TAPT1: variants seen among roughly 807,000 people sequenced by gnomAD.
TAPT1 encodes transmembrane anterior posterior transformation 1, also known as transmembrane anterior posterior transformation protein 1 homolog.
In TAPT1, 28 loss-of-function variants were observed where a neutral mutation model predicts 65.6. That is an observed-to-expected ratio of 0.43 (90% CI 0.32 to 0.59). The LOEUF (loss-of-function observed/expected upper bound fraction) is 0.59. Ranked by LOEUF, TAPT1 falls within the 20% of genes least tolerant of loss-of-function variation. The pLI, the probability that TAPT1 is intolerant of heterozygous loss-of-function variation, is 0.09. For synonymous variants in TAPT1, 278 were observed against 245.2 expected, an observed-to-expected ratio of 1.13 and a Z score of -1.25; for missense variants, 563 against 679.9, an observed-to-expected ratio of 0.83 and a Z score of 1.91.
chr4:16,226,148 A>G (rs1751542594), intron 1 of TAPT1, 111 bp downstream of exon 1: 9 of 948,676 alleles, frequency 9.5e-6, no homozygotes, highest in Non-Finnish European at 1.2e-5. Flanking sequence ...GAGCCCCGGG[A>G]GGCAACGGCA....
At chr4:16,166,868 G>C (rs1747662888) in intron 12 of TAPT1, 75 bp from the exon 13 acceptor site, 2 of 1,460,136 alleles carry the variant, frequency 1.4e-6, no homozygotes, top group Non-Finnish European at 1.9e-6. Flanking sequence ...TACTACCATG[G>C]CTAAGGAGAA....
intron 2 of TAPT1, among the ~76,000 whole-genome samples, chr4:16,204,001 C>A (rs1034873025): frequency 6.6e-6 from 1 of 152,036 alleles, no homozygotes; most frequent in Non-Finnish European, 1.5e-5. Flanking sequence ...GGTAGATTAG[C>A]GTAGAGTCCC....
At chr4:16,210,957 C>T (rs1273613238) in intron 2 of TAPT1, among the ~76,000 whole-genome samples, 1 of 151,452 alleles carries the variant, frequency 6.6e-6, no homozygotes, top group Non-Finnish European at 1.5e-5. Context: ...ATTGGAAATA[C>T]TATGTAAAAT....
chr4:16,213,782 T>C lies in TAPT1; in HGVS notation c.316A>G (p.Arg106Gly). The change falls in exon 2 of 14, where the codon AGA becomes GGA. Residue 106 changes from arginine to glycine, a missense_variant. Physicochemically the swap from Arg to Gly is moderately radical, Grantham distance 125. Transcript: ENST00000405303. ...AAAAATAGTACCTTTTCCAATTCTCTTGGTATTCGCAAACAAGTGTATACT... is the reference window on the plus strand; with the variant it reads ...AAAAATAGTACCTTTTCCAATTCTCCTGGTATTCGCAAACAAGTGTATACT... ...ERVYTCLRIP[R>G]ELEKLMVFGI... 6.4e-7 allele frequency: 1 copy of C among 1,569,592 alleles called. No individual in the cohort carries two copies. The highest frequency in any genetic ancestry group is 8.6e-7 in the Non-Finnish European group (1 of 1,166,548).
chr4:16,196,873 T>C, intron 3 of TAPT1: 1 of 428,364 alleles, frequency 2.3e-6, no homozygotes, highest in South Asian at 1.7e-5. Context: ...GCCACATAGA[T>C]CAGCCCTGGT....
chr4:16,179,934 C>T (rs1748613329), intron 7 of TAPT1, among the ~76,000 whole-genome samples: 1 of 152,022 alleles, frequency 6.6e-6, no homozygotes, highest in South Asian at 2.1e-4. Context: ...TTCAAACCAT[C>T]AAACTGCTCA....
chr4:16,197,181 T>C (rs1258154629), intron 3 of TAPT1, among the ~76,000 whole-genome samples: 1 of 152,194 alleles, frequency 6.6e-6, no homozygotes, highest in African/African-American at 2.4e-5. Flanking sequence ...AATGATACTA[T>C]TGCCTCTTCA....
chr4:16,226,626 G>GGGCGCT (rs1751590772), upstream of TAPT1: 2 of 256,562 alleles, frequency 7.8e-6, no homozygotes, highest in South Asian at 1.3e-4. Context: ...ACGCGTGTGA[G>GGGCGCT]GCCGCTGCCG....
intron 5 of TAPT1, among the ~76,000 whole-genome samples, chr4:16,187,308 T>C (rs1749076897): frequency 6.6e-6 from 1 of 152,178 alleles, no homozygotes; most frequent in South Asian, 2.1e-4. Flanking sequence ...AAGCACAAAA[T>C]ATAATTCTGG....
chr4:16,214,070 G>C (rs1750794710), intron 1 of TAPT1, among the ~76,000 whole-genome samples, 172 bp from the exon 2 acceptor site: 1 of 152,170 alleles, frequency 6.6e-6, no homozygotes, highest in Non-Finnish European at 1.5e-5. Flanking sequence ...TTTGAGAAAA[G>C]TATTCTTCTT....
At chr4:16,198,960 G>A (rs1749877425) in intron 3 of TAPT1, among the ~76,000 whole-genome samples, 1 of 151,938 alleles carries the variant, frequency 6.6e-6, no homozygotes, top group Admixed American at 6.6e-5. Flanking sequence ...ATTGCTCAAA[G>A]AAACAAAAAT....
Position 16,170,653 on chromosome 4 carries a change from C to G in TAPT1, c.1313G>C (p.Gly438Ala). The G allele has an allele frequency of 6.2e-7, 1 of 1,609,084 alleles. No individual in the cohort carries two copies. Among genetic ancestry groups the G allele is most frequent in the South Asian group, 1.1e-5 (1 of 90,878 alleles). The change falls in exon 12 of 14, where the codon GGG becomes GCG. Residue 438 changes from glycine (G) to alanine (A), a missense_variant and splice_region_variant. By Grantham distance (60) the Gly-to-Ala change is moderately conservative. Transcript: ENST00000405303. ...SYACVILFYF[G>A]LISLKVLNSI... ...AAAACATATTCAAGAATAATCTTAC[C>G]CAAAATAGAAGAGTATGACACAGGC...
At chr4:16,186,494 A>T in intron 7 of TAPT1, 41 bp downstream of exon 7, 1 of 1,335,058 alleles carries the variant, frequency 7.5e-7, no homozygotes, top group Non-Finnish European at 1.0e-6. Flanking sequence ...ACTGCAAAAT[A>T]ATACTGCACA....
At chr4:16,182,137 G>C (rs77742085) in intron 7 of TAPT1, among the ~76,000 whole-genome samples, 7,772 of 152,072 alleles carry the variant, frequency 0.051, 228 homozygotes, top group Middle Eastern at 0.14. Context: ...ACATTTAAAT[G>C]TTTTACATAG....
intron 8 of TAPT1, among the ~76,000 whole-genome samples, chr4:16,177,371 C>G (rs955613295): frequency 1.3e-5 from 2 of 152,060 alleles, no homozygotes; most frequent in Non-Finnish European, 2.9e-5. Flanking sequence ...AAGAGTGGGA[C>G]ACAGCAAGAA....
chr4:16,199,243 A>C (rs1560175579), intron 3 of TAPT1, among the ~76,000 whole-genome samples: 1 of 152,230 alleles, frequency 6.6e-6, no homozygotes, highest in Non-Finnish European at 1.5e-5. Context: ...GCATGAAATT[A>C]ATTTTTCAGT....
intron 1 of TAPT1, among the ~76,000 whole-genome samples, chr4:16,222,379 TTTTACTTTG>T (rs1309683873): frequency 6.6e-6 from 1 of 152,230 alleles, no homozygotes; most frequent in Non-Finnish European, 1.5e-5. Context: ...AAGTAGCTAA[TTTTACTTTG>T]TATCTGGTTT....
chr4:16,222,474 T>C (rs1751307139), intron 1 of TAPT1, among the ~76,000 whole-genome samples: 1 of 152,236 alleles, frequency 6.6e-6, no homozygotes, highest in Non-Finnish European at 1.5e-5. Context: ...CTCTAGATCA[T>C]AATTTTAGAA....
At position 16,189,103 on chromosome 4, in the gene TAPT1, T is replaced by C. The variant is rs990015415; in HGVS notation, c.613-748A>G. On this transcript the variant is annotated intron_variant, in intron 4 of 13. Coordinates refer to ENST00000405303, the MANE Select transcript of TAPT1 (RefSeq NM_153365.3). ...TATTATATGGAATAAAATATGCAGA[T>C]TTACTTCCTAACCACATTTTCAGGT... Among the ~76,000 whole-genome samples the C allele has an allele frequency of 7.2e-5, 11 of 152,254 alleles. No homozygotes were observed. In the East Asian group the frequency reaches 2.1e-3, roughly 29 times the overall value.
Sources: allele counts gnomAD v4.1 joint callset (sites outside exome capture counted in the v4.1 genomes callset), GRCh38; gene constraint gnomAD v4.1.1; transcripts MANE v1.5; gene names NCBI Gene and HGNC (gene_info 2026-07-23, HGNC 2026-07-21).